WDR12: variants seen among roughly 807,000 people sequenced by gnomAD.
The protein encoded by WDR12 is ribosome biogenesis protein WDR12.
In WDR12, 42 loss-of-function variants were observed where a neutral mutation model predicts 64.3. The observed-to-expected ratio is 0.65, with a 90% CI of 0.51 to 0.84. The LOEUF (loss-of-function observed/expected upper bound fraction) is 0.84, where lower values mean the gene tolerates loss of function less well. Ranked by LOEUF, WDR12 falls within the 40% of genes least tolerant of loss-of-function variation. The probability of loss-of-function intolerance (pLI) is 0.00; values close to 1 mark genes in which losing one functional copy is unlikely to be tolerated. For missense variants in WDR12, 469 were observed against 494.6 expected (o/e 0.95, Z 0.49); for synonymous variants, 158 against 173.3 (o/e 0.91, Z 0.70).
At position 202,907,894 on chromosome 2, in the gene WDR12, A is replaced by ACC; in HGVS notation, c.106_107insGG (p.Ile36ArgfsTer7). On this transcript the variant is annotated frameshift_variant, in exon 2 of 13. Coordinates refer to ENST00000261015, the MANE Select transcript of WDR12 (RefSeq NM_018256.4). LOFTEE classifies it high-confidence loss of function. ...TTTGTCCTTTAGTAGTTTATTGATG[A>ACC]TGTTACTAAGGTCGGCAATTTCAGA... 6.2e-7 allele frequency: 1 copy of ACC among 1,614,048 alleles called. No homozygotes were observed. Among genetic ancestry groups the ACC allele is most frequent in the Non-Finnish European group, 8.5e-7 (1 of 1,179,956 alleles).
intron 8 of WDR12, among the ~76,000 whole-genome samples, chr2:202,889,291 A>C (rs1263550269): frequency 6.6e-6 from 1 of 152,216 alleles, no homozygotes; most frequent in Non-Finnish European, 1.5e-5. Flanking sequence ...TTAAATACAT[A>C]TATTCAGCAA....
At chr2:202,896,349 C>T (rs965417159) in intron 5 of WDR12, 130 bp from the exon 6 acceptor site, 2 of 1,035,694 alleles carry the variant, frequency 1.9e-6, no homozygotes, top group Non-Finnish European at 2.7e-6. Context: ...ACTCATATGG[C>T]CAGGTTTTAA....
chr2:202,894,750 T>A, intron 6 of WDR12, 124 bp from the exon 7 acceptor site: 1 of 754,960 alleles, frequency 1.3e-6, no homozygotes, highest in Non-Finnish European at 2.0e-6. Flanking sequence ...GAACTGAAAT[T>A]AGCCTTTTTC....
intron 1 of WDR12, among the ~76,000 whole-genome samples, 173 bp from the exon 2 acceptor site, chr2:202,908,132 G>A (rs1391059971): frequency 6.6e-6 from 1 of 152,188 alleles, no homozygotes; most frequent in East Asian, 1.9e-4. Context: ...AGATGAGGTT[G>A]AAGTTTAGTA....
intron 7 of WDR12, 21 bp from the exon 8 acceptor site, chr2:202,892,723 T>C (rs1559160670): frequency 1.3e-6 from 2 of 1,568,654 alleles, no homozygotes; most frequent in African/African-American, 1.4e-5. Flanking sequence ...GAGAATTAGA[T>C]TTGACATTTT....
chr2:202,904,010 C>T (rs955465149), intron 2 of WDR12, among the ~76,000 whole-genome samples: 1 of 151,438 alleles, frequency 6.6e-6, no homozygotes, highest in Admixed American at 6.6e-5. Flanking sequence ...TGGTGGCAGG[C>T]ACCTGTAATC....
intron 2 of WDR12, among the ~76,000 whole-genome samples, chr2:202,903,496 GAA>G (rs1688391890): frequency 1.1e-5 from 1 of 87,376 alleles, no homozygotes; most frequent in Admixed American, 1.4e-4. Context: ...AGGAAGGAAG[GAA>G]GGAAGTGAGG....
intron 1 of WDR12, 119 bp downstream of exon 1, chr2:202,911,317 A>G (rs954356387): frequency 4.3e-6 from 4 of 940,056 alleles, no homozygotes; most frequent in Non-Finnish European, 6.9e-6. Flanking sequence ...GAAAGCAGGT[A>G]ATCTCAGAAA....
At position 202,877,681 on chromosome 2, in the gene WDR12, A is replaced by C. The variant is rs1329779284; in HGVS notation, c.*3179T>G. 1 of 152,212 alleles carries C rather than the reference A, an allele frequency of 6.6e-6. No individual in the cohort carries two copies. The highest frequency in any genetic ancestry group is 1.5e-5 in the Non-Finnish European group (1 of 68,132). The allele number at this position is 152,212 out of a possible 1,614,324, so 9.4% of individuals were successfully genotyped here. A position where few individuals can be genotyped will look rare whatever the true frequency, so the allele number is the denominator to read the frequency against. On this transcript the variant is annotated 3_prime_UTR_variant, in exon 13 of 13. Transcript: ENST00000261015. The stretch of plus-strand genomic sequence containing the variant: ...CCTGTCTTGACAAAAAAACAAAAAA[A>C]CCAACCTTTGATAAGAGAGCAAGTA...
intron 3 of WDR12, among the ~76,000 whole-genome samples, chr2:202,900,714 CT>C (rs1457525867): frequency 6.6e-6 from 1 of 152,128 alleles, no homozygotes; most frequent in Non-Finnish European, 1.5e-5. Context: ...TTGCTATTCC[CT>C]TTCTTGCCAG....
At chr2:202,904,765 G>A (rs1159506757) in intron 2 of WDR12, among the ~76,000 whole-genome samples, 8 of 152,152 alleles carry the variant, frequency 5.3e-5, no homozygotes, top group Admixed American at 4.6e-4. Context: ...AGTGGTCTGG[G>A]CAAAAATTTC....
chr2:202,901,191 C>A, intron 2 of WDR12, 72 bp from the exon 3 acceptor site: 3 of 1,150,792 alleles, frequency 2.6e-6, no homozygotes, highest in East Asian at 2.5e-5. Context: ...TATGAGAACT[C>A]CCAAAACAAA....
At position 202,899,657 on chromosome 2, in the gene WDR12, G is replaced by C. The variant is rs1427822859; in HGVS notation, c.232-20C>G. The C allele has an allele frequency of 3.1e-6, 5 of 1,604,472 alleles. No individual in the cohort carries two copies. The highest frequency in any genetic ancestry group is 1.6e-4 in the Middle Eastern group (1 of 6,066). ...TTCTTCCTAATCACAAGAGAAACCA[G>C]CAACAAGTCAGGTGGTCTAGTTTTA... is the stretch of plus-strand genomic sequence containing the variant. On this transcript the variant is annotated intron_variant, in intron 3 of 12. Coordinates refer to ENST00000261015, the MANE Select transcript of WDR12 (RefSeq NM_018256.4).
intron 7 of WDR12, among the ~76,000 whole-genome samples, chr2:202,893,934 A>C (rs1366237501): frequency 6.6e-6 from 1 of 152,136 alleles, no homozygotes; most frequent in African/African-American, 2.4e-5. Context: ...CAGTAAAATG[A>C]CTCAAAAGTC....
chr2:202,908,451 C>G (rs563494795), intron 1 of WDR12, among the ~76,000 whole-genome samples: 1 of 152,238 alleles, frequency 6.6e-6, no homozygotes, highest in African/African-American at 2.4e-5. Flanking sequence ...CACAGCAAGA[C>G]CCTGTCTCAA....
At chr2:202,889,898 G>GT (rs1022009820) in intron 8 of WDR12, among the ~76,000 whole-genome samples, 3 of 53,954 alleles carry the variant, frequency 5.6e-5, no homozygotes, top group Non-Finnish European at 1.1e-4. Flanking sequence ...CCTCTCAAAA[G>GT]GGGGGAAAGA....
At chr2:202,895,569 G>C (rs1688223579) in intron 6 of WDR12, among the ~76,000 whole-genome samples, 1 of 148,030 alleles carries the variant, frequency 6.8e-6, no homozygotes, top group Admixed American at 6.8e-5. Context: ...TTGGGCCCAG[G>C]CTGGAGTGCA....
At chr2:202,894,677 A>ACAGATGTATATGAAGGGAAAAGACATATG in intron 6 of WDR12, 51 bp from the exon 7 acceptor site, 1 of 1,491,816 alleles carries the variant, frequency 6.7e-7, no homozygotes, top group Non-Finnish European at 9.1e-7. Context: ...GATTCATATT[A>ACAGATGTATATGAAGGGAAAAGACATATG]TTTGCCTACA....
intron 2 of WDR12, among the ~76,000 whole-genome samples, chr2:202,904,829 T>A (rs1199940870): frequency 6.6e-6 from 1 of 152,118 alleles, no homozygotes; most frequent in Non-Finnish European, 1.5e-5. Context: ...ACAAATGCGA[T>A]CCCATCAGGT....
Sources: allele counts gnomAD v4.1 joint callset (sites outside exome capture counted in the v4.1 genomes callset), GRCh38; gene constraint gnomAD v4.1.1; transcripts MANE v1.5; gene names NCBI Gene and HGNC (gene_info 2026-07-23, HGNC 2026-07-21).